The following EYS variants were observed in gnomAD, a reference collection of about 807,000 sequenced individuals.
EYS encodes the protein protein eyes shut homolog.
In EYS, 250 loss-of-function variants were observed where a neutral mutation model predicts 282.1. That is an observed-to-expected ratio of 0.89 (90% CI 0.80 to 0.98). The LOEUF (loss-of-function observed/expected upper bound fraction) is 0.98, where lower values mean the gene tolerates loss of function less well. Among genes scored for constraint, EYS ranks in the 50% least tolerant of loss-of-function variants. The pLI is 0.00. For missense variants in EYS, 4,016 were observed against 3,709.0 expected (o/e 1.08, Z -2.15); for synonymous variants, 1,355 against 1,282.9 (o/e 1.06, Z -1.20).
chr6:64,448,268 C>A (rs1178873714), intron 26 of EYS, among the ~76,000 whole-genome samples: 1 of 152,206 alleles, frequency 6.6e-6, no homozygotes, highest in Non-Finnish European at 1.5e-5. Context: ...GCTAGCACAG[C>A]AGTCTGAGAT....
rs183024748 is a variant in EYS at position 64,632,278 on chromosome 6, A to G, written c.3444-6033T>C. Among the ~76,000 whole-genome samples the G allele has an allele frequency of 6.2e-5, 9 of 145,302 alleles. No individual in the cohort carries two copies. In the Admixed American group the frequency reaches 6.5e-4, roughly 10 times the overall value. On this transcript the variant is annotated intron_variant, in intron 22 of 42. Coordinates refer to ENST00000503581, the MANE Select transcript of EYS (RefSeq NM_001142800.2). ...TCTTTTTTAATAATTAGTGACCACA[A>G]CTACATATAACTTATTTTCTTAAGA...
intron 5 of EYS, among the ~76,000 whole-genome samples, chr6:65,479,680 A>G (rs1765533914): frequency 6.6e-6 from 1 of 152,202 alleles, no homozygotes; most frequent in Admixed American, 6.5e-5. Flanking sequence ...AGTGGATTAT[A>G]AACCTAAACA....
In EYS at chr6:65,344,048, C is replaced by T. The variant is rs1447256692; in HGVS notation, c.1589G>A (p.Gly530Asp). The change falls in exon 10 of 43, where the codon GGC becomes GAC. Residue 530 changes from glycine (G) to aspartate (D), a missense_variant. Physicochemically the swap from Gly to Asp is moderately conservative, Grantham distance 94. Coordinates refer to ENST00000503581, the MANE Select transcript of EYS (RefSeq NM_001142800.2). ...NNSSCWFPHE[G>D]TKEICANGCS... The stretch of plus-strand genomic sequence containing the variant: ...ATAAAATTACCTTACCTCTTTTGTG[C>T]CTTCATGTGGGAACCAACATGAAGA... The T allele has an allele frequency of 1.2e-6, 2 of 1,609,898 alleles. No homozygotes were observed. The highest frequency in any genetic ancestry group is 1.7e-6 in the Non-Finnish European group (2 of 1,177,526).
rs1168323322 is a variant in EYS, at chr6:63,986,749, A to T, written c.6835-2146T>A. On this transcript the variant is annotated intron_variant, in intron 34 of 42. Transcript: ENST00000503581. ...TGATGGGAGCTTATGAACACAAAGA[A>T]GGAAACAACAGACACTGGGGTCTAC... is the stretch of plus-strand genomic sequence containing the variant. Among the ~76,000 whole-genome samples, 7 of 151,656 alleles carry T rather than the reference A, an allele frequency of 4.6e-5. No individual in the cohort carries two copies. The South Asian group carries it at 8.3e-4, about 18-fold the overall frequency.
At chr6:63,871,125 C>A (rs1485328077) in intron 35 of EYS, among the ~76,000 whole-genome samples, 1 of 152,182 alleles carries the variant, frequency 6.6e-6, no homozygotes, top group Non-Finnish European at 1.5e-5. Flanking sequence ...GTATTTCTTT[C>A]CAATGCTAGA....
intron 12 of EYS, among the ~76,000 whole-genome samples, chr6:65,228,111 T>C (rs1278354022): frequency 6.6e-6 from 1 of 152,128 alleles, no homozygotes; most frequent in Non-Finnish European, 1.5e-5. Context: ...CAAAAATAGA[T>C]GCATCCATAA....
intron 11 of EYS, among the ~76,000 whole-genome samples, chr6:65,324,138 T>C (rs1455133999): frequency 6.6e-6 from 1 of 151,570 alleles, no homozygotes; most frequent in Non-Finnish European, 1.5e-5. Flanking sequence ...GGCTACGCTA[T>C]ATAAAATAGC....
In EYS at chr6:64,604,151, G is replaced by A. The variant is rs560633966; in HGVS notation, c.3685-10842C>T. 2.6e-5 allele frequency among the ~76,000 whole-genome samples: 4 copies of A among 151,982 alleles called. No homozygotes were observed. In the East Asian group the frequency reaches 7.8e-4, roughly 29 times the overall value. On this transcript the variant is annotated intron_variant, in intron 24 of 42. Transcript: ENST00000503581. ...ATAATTCATCTATAATGGCTCCTGAGAGTCATTGCCTGGGACACTGCAACG... is the reference window on the plus strand; with the variant it reads ...ATAATTCATCTATAATGGCTCCTGAAAGTCATTGCCTGGGACACTGCAACG...
rs1769441104 is a variant in EYS, at chr6:64,025,333, C to G, written c.6726-26150G>C. On this transcript the variant is annotated intron_variant, in intron 33 of 42. Coordinates refer to ENST00000503581, the MANE Select transcript of EYS (RefSeq NM_001142800.2). The stretch of plus-strand genomic sequence containing the variant: ...AGGAAAGCTGTGCAGCTCCGAGGTC[C>G]CAACAACAAGTTGGTTGACCCTGCA... Among the ~76,000 whole-genome samples, 4 of 152,208 alleles carry G rather than the reference C, an allele frequency of 2.6e-5. No individual in the cohort carries two copies. The South Asian group carries it at 8.3e-4, about 32-fold the overall frequency.
chr6:64,084,305 C>G (rs1008231701), intron 31 of EYS, among the ~76,000 whole-genome samples: 2 of 152,142 alleles, frequency 1.3e-5, no homozygotes, highest in South Asian at 2.1e-4. Context: ...CAGTGATTTG[C>G]CTGTGTCAGT....
chr6:64,590,644 A>G lies in EYS; in HGVS notation c.5223T>C (p.Asp1741=), dbSNP rs1308362084. ...SHTLFKLHPS[D]SSLDFELNLQ... is the part of the protein sequence containing the mutation. The stretch of plus-strand genomic sequence containing the variant: ...AGTTTAACTCAAAATCCAGAGAACT[A>G]TCACTTGGGTGAAGTTTGAACAGTG... Residue 1741 remains aspartate (D), a synonymous_variant, in exon 26 of 43, where the codon GAT becomes GAC. Coordinates refer to ENST00000503581, the MANE Select transcript of EYS (RefSeq NM_001142800.2). 2 of 1,551,324 alleles carry G rather than the reference A, an allele frequency of 1.3e-6. No individual in the cohort carries two copies. Among genetic ancestry groups the G allele is most frequent in the East Asian group, 2.4e-5 (1 of 40,896 alleles).
At chr6:64,009,418 G>T (rs1361067019) in intron 33 of EYS, among the ~76,000 whole-genome samples, 1 of 150,630 alleles carries the variant, frequency 6.6e-6, no homozygotes, top group Non-Finnish European at 1.5e-5. Flanking sequence ...CGAGTAGTTG[G>T]GACTACAGGC....
intron 5 of EYS, among the ~76,000 whole-genome samples, chr6:65,475,509 T>G (rs572402298): frequency 8.5e-5 from 13 of 152,252 alleles, no homozygotes; most frequent in Non-Finnish European, 1.8e-4. Flanking sequence ...GATATTTATT[T>G]GAAAATAATT....
chr6:64,724,687 A>G (rs777898033), intron 22 of EYS, among the ~76,000 whole-genome samples: 3 of 152,224 alleles, frequency 2.0e-5, no homozygotes, highest in Non-Finnish European at 4.4e-5. Context: ...AAATGAATTC[A>G]GTATTTTTAT....
At chr6:64,022,586 A>G (rs997191172) in intron 33 of EYS, among the ~76,000 whole-genome samples, 1 of 129,650 alleles carries the variant, frequency 7.7e-6, no homozygotes, top group Non-Finnish European at 1.7e-5. Context: ...CAGCTAAAAC[A>G]GAGTTCAGAG....
At chr6:65,647,068 T>C (rs963946343) in intron 1 of EYS, among the ~76,000 whole-genome samples, 3 of 151,966 alleles carry the variant, frequency 2.0e-5, no homozygotes, top group Non-Finnish European at 2.9e-5. Flanking sequence ...AGAATCGAAA[T>C]CATGAAAATG....
chr6:65,288,393 C>A (rs1470830292), intron 12 of EYS, among the ~76,000 whole-genome samples: 1 of 150,080 alleles, frequency 6.7e-6, no homozygotes, highest in Non-Finnish European at 1.5e-5. Flanking sequence ...TAGGAATGGA[C>A]AAAGAGGAGT....
At chr6:64,797,614 G>T (rs1774398467) in intron 22 of EYS, among the ~76,000 whole-genome samples, 1 of 151,818 alleles carries the variant, frequency 6.6e-6, no homozygotes, top group Non-Finnish European at 1.5e-5. Flanking sequence ...CTGAGTTTAG[G>T]ATTATACTTA....
intron 12 of EYS, among the ~76,000 whole-genome samples, chr6:65,133,219 T>C (rs1775929892): frequency 6.6e-6 from 1 of 151,676 alleles, no homozygotes; most frequent in African/African-American, 2.4e-5. Context: ...AGTTTACAAC[T>C]CATTTGAAAC....
Sources: gnomAD v4.1 joint callset for allele counts (sites outside exome capture counted in the v4.1 genomes callset) on GRCh38, gnomAD v4.1.1 for gene constraint, MANE v1.5 for transcripts, NCBI Gene and HGNC (gene_info 2026-07-23, HGNC 2026-07-21) for gene names.